The following DCC variants were observed in gnomAD, a reference collection of about 807,000 sequenced individuals.
The protein encoded by DCC is netrin receptor DCC.
DCC carries 58 observed loss-of-function variants against 172.5 expected under a neutral mutation model. The ratio of observed to expected loss-of-function variants is 0.34; its 90% CI spans 0.27 to 0.42. DCC has a LOEUF of 0.42. Ranked by LOEUF, DCC falls within the 10% of genes least tolerant of loss-of-function variation. The pLI is 1.00. For missense variants in DCC, 1,740 were observed against 1,791.0 expected (o/e 0.97, Z 0.51); for synonymous variants, 709 against 644.5 (o/e 1.10, Z -1.52).
intron 2 of DCC, among the ~76,000 whole-genome samples, chr18:52,848,930 C>T (rs2038935061): frequency 6.6e-6 from 1 of 152,148 alleles, no homozygotes; most frequent in Non-Finnish European, 1.5e-5. Context: ...AAAAAGGCAG[C>T]ATTGACAGTG....
intron 1 of DCC, among the ~76,000 whole-genome samples, chr18:52,417,486 CT>C (rs1278131651): frequency 3.9e-5 from 6 of 152,144 alleles, no homozygotes; most frequent in African/African-American, 1.2e-4. Flanking sequence ...TGGTTCCATT[CT>C]CCCCGTCACT....
intron 1 of DCC, among the ~76,000 whole-genome samples, chr18:52,559,313 G>A (rs770899096): frequency 1.8e-4 from 28 of 152,224 alleles, no homozygotes; most frequent in East Asian, 7.7e-4. Flanking sequence ...GGGTTTCACC[G>A]TGTTAGCCAG....
At chr18:53,451,362 G>T (rs869225) in intron 23 of DCC, among the ~76,000 whole-genome samples, 73,355 of 152,014 alleles carry the variant, frequency 0.48, 18,760 homozygotes, top group Non-Finnish European at 0.58. Flanking sequence ...CTATATCCTT[G>T]CAGCAACACC....
At chr18:53,162,397 T>C (rs4525560) in intron 8 of DCC, among the ~76,000 whole-genome samples, 61,211 of 151,788 alleles carry the variant, frequency 0.4, 13,279 homozygotes, top group East Asian at 0.71. Flanking sequence ...ATTGGAACTA[T>C]TGCAGTAATC....
At chr18:52,718,895 A>G (rs2036430880) in intron 1 of DCC, among the ~76,000 whole-genome samples, 1 of 152,228 alleles carries the variant, frequency 6.6e-6, no homozygotes, top group African/African-American at 2.4e-5. Context: ...CTTTTAAGGC[A>G]TTTCACAAAT....
At chr18:53,161,289 A>T (rs868164983) in intron 8 of DCC, among the ~76,000 whole-genome samples, 17 of 152,304 alleles carry the variant, frequency 1.1e-4, no homozygotes, top group Middle Eastern at 6.8e-3. Context: ...TGGTCTTCAC[A>T]TTACTTGGAC....
rs1191409240 is a variant in DCC at position 53,096,940 on chromosome 18, C to T, written c.1261+30774C>T. Reference sequence around the variant, plus strand: ...ACAAAATACATTCTCAAAGGGTTTACAAAGCTAGATAATGTAGTTAAAAAT... The same window carrying T: ...ACAAAATACATTCTCAAAGGGTTTATAAAGCTAGATAATGTAGTTAAAAAT... On this transcript the variant is annotated intron_variant, in intron 7 of 28. Transcript: ENST00000442544. Among the ~76,000 whole-genome samples the T allele has an allele frequency of 1.7e-4, 26 of 151,806 alleles. 1 individual carries two copies. Among genetic ancestry groups the T allele is most frequent in the Non-Finnish European group, 1.5e-5 (1 of 67,974 alleles).
chr18:53,036,528 G>T (rs185777977), intron 5 of DCC, among the ~76,000 whole-genome samples: 34 of 152,054 alleles, frequency 2.2e-4, no homozygotes, highest in Admixed American at 2.1e-3. Flanking sequence ...CGTTCCTTCT[G>T]CTACTTCACT....
intron 22 of DCC, among the ~76,000 whole-genome samples, chr18:53,442,359 A>G (rs1282752971): frequency 6.6e-6 from 1 of 152,196 alleles, no homozygotes; most frequent in African/African-American, 2.4e-5. Context: ...TTATTATTAT[A>G]TCTGCTACGA....
chr18:52,562,328 T>C (rs2033058525), intron 1 of DCC, among the ~76,000 whole-genome samples: 1 of 152,170 alleles, frequency 6.6e-6, no homozygotes, highest in Non-Finnish European at 1.5e-5. Flanking sequence ...CTTGTTAAGG[T>C]AACAGACATG....
chr18:53,184,018 A>C (rs1391228926), intron 9 of DCC, among the ~76,000 whole-genome samples: 1 of 151,910 alleles, frequency 6.6e-6, no homozygotes, highest in Non-Finnish European at 1.5e-5. Flanking sequence ...AAAAAAAAAA[A>C]AAAACTCCCT....
At chr18:52,840,848 C>A (rs2038792176) in intron 2 of DCC, among the ~76,000 whole-genome samples, 1 of 152,084 alleles carries the variant, frequency 6.6e-6, no homozygotes, top group African/African-American at 2.4e-5. Context: ...GGAAACACAG[C>A]AGTGAACTAC....
At chr18:52,820,293 C>T (rs1255993104) in intron 2 of DCC, among the ~76,000 whole-genome samples, 1 of 152,024 alleles carries the variant, frequency 6.6e-6, no homozygotes, top group Non-Finnish European at 1.5e-5. Context: ...TGATGATTTT[C>T]CTCAAAAAGA....
rs564636600 is a variant in DCC at position 53,534,984 on chromosome 18, G to C, written c.*4331G>C. On this transcript the variant is annotated 3_prime_UTR_variant, in exon 29 of 29. Coordinates refer to ENST00000442544, the MANE Select transcript of DCC (RefSeq NM_005215.4). Reference sequence around the variant, plus strand: ...GGTAGAAGAGCAAGAGCAAAACTCTGCAAGATTTAATAAACACAGGGGCAT... The same window carrying C: ...GGTAGAAGAGCAAGAGCAAAACTCTCCAAGATTTAATAAACACAGGGGCAT... The C allele has an allele frequency of 6.6e-6, 1 of 152,320 alleles. No homozygotes were observed. The highest frequency in any genetic ancestry group is 2.1e-4 in the South Asian group (1 of 4,832). The allele number at this position is 152,320 out of a possible 1,614,324, so 9.4% of individuals were successfully genotyped here.
At chr18:52,392,690 A>G (rs1275038691) in intron 1 of DCC, among the ~76,000 whole-genome samples, 2 of 152,058 alleles carry the variant, frequency 1.3e-5, no homozygotes, top group Admixed American at 1.3e-4. Flanking sequence ...CTGTGATCCC[A>G]TGCTCCACTT....
At chr18:52,412,993 A>T (rs1986892392) in intron 1 of DCC, among the ~76,000 whole-genome samples, 1 of 152,062 alleles carries the variant, frequency 6.6e-6, no homozygotes, top group Non-Finnish European at 1.5e-5. Context: ...CAATCGATTA[A>T]GCTTACTTTT....
chr18:52,925,938 C>A (rs1332400744), intron 5 of DCC, among the ~76,000 whole-genome samples: 1 of 145,000 alleles, frequency 6.9e-6, no homozygotes, highest in East Asian at 2.0e-4. Context: ...GGCAGGGTTA[C>A]CCATGTGTCA....
At chr18:53,248,258 G>C (rs999725559) in intron 12 of DCC, among the ~76,000 whole-genome samples, 1 of 151,938 alleles carries the variant, frequency 6.6e-6, no homozygotes, top group Non-Finnish European at 1.5e-5. Flanking sequence ...GACCCGACCT[G>C]AACATTCAGA....
chr18:53,192,165 A>C (rs185978035), intron 9 of DCC, among the ~76,000 whole-genome samples: 1 of 152,208 alleles, frequency 6.6e-6, no homozygotes, highest in African/African-American at 2.4e-5. Flanking sequence ...GTGATTATCA[A>C]TCTTTCCATT....
Sources: gnomAD v4.1 joint callset for allele counts (sites outside exome capture counted in the v4.1 genomes callset) on GRCh38, gnomAD v4.1.1 for gene constraint, MANE v1.5 for transcripts, NCBI Gene and HGNC (gene_info 2026-07-23, HGNC 2026-07-21) for gene names.